The following WDR93 variants were observed in gnomAD, a reference collection of about 807,000 sequenced individuals.
The protein encoded by WDR93 is WD repeat domain 93.
In WDR93, 73 loss-of-function variants were observed where a neutral mutation model predicts 82.9. The ratio of observed to expected loss-of-function variants is 0.88; its 90% CI spans 0.73 to 1.07. The LOEUF (loss-of-function observed/expected upper bound fraction) is 1.07, where lower values mean the gene tolerates loss of function less well. Ranked by LOEUF, WDR93 falls within the 50% of genes least tolerant of loss-of-function variation. WDR93 has a pLI of 0.00. For synonymous variants in WDR93, 283 were observed against 300.1 expected (o/e 0.94, Z 0.59); for missense variants, 738 against 826.0 (o/e 0.89, Z 1.31).
Position 89,738,140 on chromosome 15 carries a change from C to A in WDR93, c.1865C>A (p.Ser622Ter), listed in dbSNP as rs754144417. Residue 622 changes from serine (S) to a stop codon, truncating the protein, a stop_gained, in exon 16 of 17, where the codon TCA (serine) becomes TAA (stop). Transcript: ENST00000268130. LOFTEE classifies it high-confidence loss of function. ...FEACPLLENI[S>*]KNCTIPQRDL... ...GCCTGCCCACTCCTGGAAAATATCT[C>A]AAAAAATTGTACCATTCCTCAAAGG... 3.1e-6 allele frequency: 5 copies of A among 1,613,964 alleles called. No individual in the cohort carries two copies. In the African/African-American group the frequency reaches 5.3e-5, roughly 17 times the overall value.
In WDR93 at chr15:89,701,969, A is replaced by G; in HGVS notation, c.223A>G (p.Ile75Val). Reference sequence around the variant, plus strand: ...TCTGTTTGACCAGTCTTGGGAAATTATTGAAGAGAGAAACGCACTGAGGGA... The same window carrying G: ...TCTGTTTGACCAGTCTTGGGAAATTGTTGAAGAGAGAAACGCACTGAGGGA... ...NLLFDQSWEI[I>V]EERNALREAE... Residue 75 changes from isoleucine to valine, a missense_variant, in exon 2 of 17, where the codon ATT becomes GTT. By Grantham distance (29) the Ile-to-Val change is conservative. Coordinates refer to ENST00000268130, the MANE Select transcript of WDR93 (RefSeq NM_020212.2). 2 of 1,613,968 alleles carry G rather than the reference A, an allele frequency of 1.2e-6. No individual in the cohort carries two copies. Among genetic ancestry groups the G allele is most frequent in the Non-Finnish European group, 1.7e-6 (2 of 1,180,032 alleles).
intron 10 of WDR93, 128 bp downstream of exon 10, chr15:89,729,221 G>A (rs944202651): frequency 2.3e-6 from 2 of 854,430 alleles, no homozygotes; most frequent in South Asian, 2.9e-5. Context: ...GGGGAGTTTG[G>A]TTGCCAGCTG....
intron 1 of WDR93, among the ~76,000 whole-genome samples, chr15:89,700,021 G>C (rs79188198): frequency 0.012 from 1,797 of 152,236 alleles, 19 homozygotes; most frequent in East Asian, 0.036. Context: ...TCCATTGAAT[G>C]CTGGATATTT....
chr15:89,708,347 G>A (rs1214112245), intron 4 of WDR93, among the ~76,000 whole-genome samples: 3 of 152,158 alleles, frequency 2.0e-5, no homozygotes, highest in East Asian at 1.9e-4. Context: ...CAGGAGCAGA[G>A]AGCGGACCCC....
intron 10 of WDR93, among the ~76,000 whole-genome samples, chr15:89,729,303 C>T (rs1306671310): frequency 6.6e-6 from 1 of 152,100 alleles, no homozygotes; most frequent in Non-Finnish European, 1.5e-5. Flanking sequence ...CTGGCACTGC[C>T]TTCAGGGAGT....
intron 13 of WDR93, 31 bp from the exon 14 acceptor site, chr15:89,735,459 G>A: frequency 6.2e-7 from 1 of 1,609,684 alleles, no homozygotes; most frequent in Non-Finnish European, 8.5e-7. Flanking sequence ...TCTTAAAGTA[G>A]GAGAATGTCT....
chr15:89,731,777 T>C (rs565688125), intron 12 of WDR93, among the ~76,000 whole-genome samples: 3 of 152,360 alleles, frequency 2.0e-5, no homozygotes, highest in East Asian at 3.9e-4. Flanking sequence ...CATGTGTTTA[T>C]TGAGTGACTT....
intron 1 of WDR93, among the ~76,000 whole-genome samples, chr15:89,699,041 T>A (rs1450368575): frequency 6.6e-6 from 1 of 151,966 alleles, no homozygotes; most frequent in Non-Finnish European, 1.5e-5. Flanking sequence ...AAAATTTTTT[T>A]TATAGAATAA....
rs58806438 is a variant in WDR93 at position 89,732,615 on chromosome 15, CCACACACA to C, written c.1331-371_1331-364del. Among the ~76,000 whole-genome samples, 280 of 148,556 alleles carry C rather than the reference CCACACACA, an allele frequency of 1.9e-3. 3 individuals carry two copies. The highest frequency in any genetic ancestry group is 5.9e-3 in the African/African-American group (239 of 40,692). ...TGGATATTAAGTTCTTGTTGTTTGG[CCACACACA>C]CACACACACACACACACACCGCCTT... is the stretch of plus-strand genomic sequence containing the variant. On this transcript the variant is annotated intron_variant, in intron 12 of 16. Transcript: ENST00000268130.
chr15:89,725,608 G>A (rs1443328182), intron 8 of WDR93, among the ~76,000 whole-genome samples: 1 of 138,070 alleles, frequency 7.2e-6, no homozygotes, highest in Non-Finnish European at 1.5e-5. Context: ...TCCCTCTGTC[G>A]CCCAGGCTGG....
intron 15 of WDR93, 101 bp from the exon 16 acceptor site, chr15:89,737,940 C>A: frequency 2.2e-6 from 3 of 1,389,746 alleles, no homozygotes; most frequent in Non-Finnish European, 2.9e-6. Context: ...GATGACCCAG[C>A]CTTTATAAGC....
At chr15:89,737,474 G>T in intron 14 of WDR93, 99 bp from the exon 15 acceptor site, 1 of 1,486,438 alleles carries the variant, frequency 6.7e-7, no homozygotes. Flanking sequence ...TTTATGTCCA[G>T]CTGCTTCTCT....
intron 5 of WDR93, among the ~76,000 whole-genome samples, chr15:89,714,736 C>T (rs1291762556): frequency 1.3e-5 from 2 of 152,062 alleles, no homozygotes; most frequent in Non-Finnish European, 2.9e-5. Flanking sequence ...TGTGAGAAGC[C>T]CCTGTTTCTC....
chr15:89,715,450 A>C (rs1966203692), intron 6 of WDR93, among the ~76,000 whole-genome samples: 1 of 152,104 alleles, frequency 6.6e-6, no homozygotes. Flanking sequence ...AATTCCATTA[A>C]ATTTTTCCAG....
intron 9 of WDR93, among the ~76,000 whole-genome samples, chr15:89,728,351 G>A (rs923132554): frequency 9.9e-5 from 15 of 152,172 alleles, no homozygotes; most frequent in East Asian, 1.9e-4. Context: ...TGGATCTCAG[G>A]AATGTTCTTG....
chr15:89,729,022 G>C lies in WDR93; in HGVS notation c.1053-1G>C, dbSNP rs1338240899. ...CTGACTCGTGTGTCTTTCTTTCCCA[G>C]TACGGCCACCTTCTATTTCCTTCTT... On this transcript the variant is annotated splice_acceptor_variant, in intron 9 of 16. Transcript: ENST00000268130. LOFTEE classifies it high-confidence loss of function. 2 of 1,614,048 alleles carry C rather than the reference G, an allele frequency of 1.2e-6. No homozygotes were observed. Among genetic ancestry groups the C allele is most frequent in the East Asian group, 2.2e-5 (1 of 44,886 alleles).
intron 1 of WDR93, among the ~76,000 whole-genome samples, chr15:89,699,827 AC>A (rs2141590908): frequency 6.6e-6 from 1 of 152,302 alleles, no homozygotes; most frequent in African/African-American, 2.4e-5. Context: ...TATAGATATA[AC>A]AGTTACAGCT....
chr15:89,717,283 C>A (rs1461907055), intron 7 of WDR93, among the ~76,000 whole-genome samples: 2 of 152,116 alleles, frequency 1.3e-5, no homozygotes, highest in African/African-American at 4.8e-5. Context: ...TGGTCTTCAA[C>A]TCCCGACCTC....
chr15:89,699,469 A>T (rs780758190), intron 1 of WDR93, among the ~76,000 whole-genome samples: 3 of 151,968 alleles, frequency 2.0e-5, no homozygotes, highest in Non-Finnish European at 2.9e-5. Flanking sequence ...ATAATTTTAT[A>T]TAGTTTTTCT....
Sources: allele counts gnomAD v4.1 joint callset (sites outside exome capture counted in the v4.1 genomes callset), GRCh38; gene constraint gnomAD v4.1.1; transcripts MANE v1.5; gene names NCBI Gene and HGNC (gene_info 2026-07-23, HGNC 2026-07-21).